The following B3GALT1 variants were observed in gnomAD, a reference collection of about 807,000 sequenced individuals.
B3GALT1 encodes UDP-Gal:betaGlcNAc beta 1,3-galactosyltransferase, polypeptide 1.
In B3GALT1, 10 loss-of-function variants were observed where a neutral mutation model predicts 23.2. That is an observed-to-expected ratio of 0.43 (90% CI 0.27 to 0.73). The LOEUF (loss-of-function observed/expected upper bound fraction) is 0.73. Among genes scored for constraint, B3GALT1 ranks in the 30% least tolerant of loss-of-function variants. The pLI, the probability that B3GALT1 is intolerant of heterozygous loss-of-function variation, is 0.21. For missense variants in B3GALT1, 299 were observed against 405.4 expected (o/e 0.74, Z 2.25); for synonymous variants, 156 against 141.5 (o/e 1.10, Z -0.73).
intron 1 of B3GALT1, among the ~76,000 whole-genome samples, chr2:167,471,273 A>G (rs761687062): frequency 1.3e-5 from 2 of 152,224 alleles, no homozygotes; most frequent in Non-Finnish European, 2.9e-5. Flanking sequence ...CATTTGTACC[A>G]CATAAAAAGA....
At position 167,690,732 on chromosome 2, in the gene B3GALT1, A is replaced by C. The variant is rs969513038; in HGVS notation, c.-352+43766A>C. ...GTTTCAAAGAATGTATTACCAATCT[A>C]TCGTCCCTAGTTTCATCACTATTCA... On this transcript the variant is annotated intron_variant, in intron 3 of 4. Coordinates refer to ENST00000392690, the MANE Select transcript of B3GALT1 (RefSeq NM_020981.4). Among the ~76,000 whole-genome samples the C allele has an allele frequency of 3.3e-5, 5 of 152,192 alleles. 1 individual carries two copies. In the South Asian group the frequency reaches 1.0e-3, roughly 31 times the overall value.
intron 1 of B3GALT1, among the ~76,000 whole-genome samples, chr2:167,425,437 C>T (rs1698609318): frequency 6.6e-6 from 1 of 152,106 alleles, no homozygotes; most frequent in South Asian, 2.1e-4. Flanking sequence ...AATCACTACA[C>T]CTATTTTTAA....
rs144860645 is a variant in B3GALT1, at chr2:167,798,004, C to G, written c.-351-20668C>G. Among the ~76,000 whole-genome samples, 1,436 of 152,060 alleles carry G rather than the reference C, an allele frequency of 9.4e-3. 26 individuals are homozygous for G. The highest frequency in any genetic ancestry group is 0.032 in the African/African-American group (1,339 of 41,528). On this transcript the variant is annotated intron_variant, in intron 3 of 4. Transcript: ENST00000392690. ...CAGGCGTGAGCCACCATGCCCGGCC[C>G]CTCATTGTGGTTTTGGTTTGCATTT... is the stretch of plus-strand genomic sequence containing the variant.
chr2:167,696,703 G>A (rs1241765674), intron 3 of B3GALT1, among the ~76,000 whole-genome samples: 1 of 152,128 alleles, frequency 6.6e-6, no homozygotes, highest in African/African-American at 2.4e-5. Flanking sequence ...CTCAAGCTGG[G>A]AATCAAAAGA....
chr2:167,630,385 T>C (rs989370297), intron 2 of B3GALT1, among the ~76,000 whole-genome samples: 4 of 151,784 alleles, frequency 2.6e-5, no homozygotes, highest in African/African-American at 9.7e-5. Context: ...GACATCCAGA[T>C]TCAAGATGTC....
chr2:167,651,609 C>T (rs530576308), intron 3 of B3GALT1, among the ~76,000 whole-genome samples: 31 of 152,196 alleles, frequency 2.0e-4, no homozygotes, highest in African/African-American at 7.5e-4. Flanking sequence ...CTACTATGTG[C>T]CATGTATCCA....
intron 4 of B3GALT1, among the ~76,000 whole-genome samples, chr2:167,857,504 T>TG (rs1690020326): frequency 1.3e-5 from 2 of 151,818 alleles, no homozygotes; most frequent in South Asian, 4.2e-4. Context: ...AAGAGGAGAA[T>TG]GCCTAGAAAT....
intron 1 of B3GALT1, among the ~76,000 whole-genome samples, chr2:167,364,771 A>G (rs115738910): frequency 1.3e-5 from 2 of 152,292 alleles, no homozygotes; most frequent in African/African-American, 2.4e-5. Flanking sequence ...TACATTTAGC[A>G]TAAGTGTTGA....
At chr2:167,397,226 T>G (rs1175386536) in intron 1 of B3GALT1, among the ~76,000 whole-genome samples, 1 of 151,878 alleles carries the variant, frequency 6.6e-6, no homozygotes, top group Non-Finnish European at 1.5e-5. Context: ...CTCTCTCTCC[T>G]TCCTTTCTTC....
At chr2:167,533,289 C>T (rs781412971) in intron 2 of B3GALT1, among the ~76,000 whole-genome samples, 7 of 151,942 alleles carry the variant, frequency 4.6e-5, no homozygotes, top group Non-Finnish European at 7.4e-5. Flanking sequence ...ATTACGTTAC[C>T]TGTAGGTTTC....
intron 2 of B3GALT1, among the ~76,000 whole-genome samples, chr2:167,642,228 A>G (rs1420245802): frequency 1.3e-5 from 2 of 152,150 alleles, no homozygotes; most frequent in African/African-American, 4.8e-5. Context: ...TAGAATGAAA[A>G]AGGGTGATAA....
chr2:167,512,362 CATT>C (rs1318063141), intron 2 of B3GALT1, among the ~76,000 whole-genome samples: 2 of 150,660 alleles, frequency 1.3e-5, no homozygotes, highest in Non-Finnish European at 3.0e-5. Flanking sequence ...TATTTTTCAT[CATT>C]ATTCTATAAA....
At chr2:167,825,488 TTATATA>T (rs199789772) in intron 4 of B3GALT1, among the ~76,000 whole-genome samples, 4 of 146,246 alleles carry the variant, frequency 2.7e-5, no homozygotes, top group African/African-American at 1.0e-4. Context: ...TATATATAAA[TTATATA>T]TATATATAAA....
chr2:167,746,518 A>G (rs1687654650), intron 3 of B3GALT1, among the ~76,000 whole-genome samples: 1 of 152,234 alleles, frequency 6.6e-6, no homozygotes, highest in African/African-American at 2.4e-5. Flanking sequence ...AAAAAGTCAT[A>G]AGTTCAACAA....
intron 3 of B3GALT1, chr2:167,714,977 G>A: frequency 4.3e-6 from 7 of 1,611,586 alleles, no homozygotes; most frequent in Non-Finnish European, 5.9e-6. Context: ...TGACTGCAAA[G>A]ATGCTTGTTG....
In B3GALT1 at chr2:167,646,909, T is replaced by C. The variant is rs1039208050; in HGVS notation, c.-409T>C. ...TATTTTTTTTCTTCTCTTGAAAAAG[T>C]TCTCTTGCTGTGCTGCTGGGTCCTC... On this transcript the variant is annotated splice_region_variant and 5_prime_UTR_variant, in exon 3 of 5. Coordinates refer to ENST00000392690, the MANE Select transcript of B3GALT1 (RefSeq NM_020981.4). 1.3e-5 allele frequency among the ~76,000 whole-genome samples: 2 copies of C among 152,166 alleles called. No homozygotes were observed. The highest frequency in any genetic ancestry group is 4.8e-5 in the African/African-American group (2 of 41,462).
At chr2:167,723,226 T>TAAGAACAG (rs1172961638) in intron 3 of B3GALT1, among the ~76,000 whole-genome samples, 1 of 152,206 alleles carries the variant, frequency 6.6e-6, no homozygotes, top group Non-Finnish European at 1.5e-5. Context: ...GAACAGACTC[T>TAAGAACAG]ACTTAAGAAA....
rs533934296 is a variant in B3GALT1 at position 167,648,061 on chromosome 2, A to G, written c.-352+1095A>G. ...TCATCCTTTTAATTAATCTGCCACT[A>G]AATTTTATGCTTATGTAATCTTTTC... is the stretch of plus-strand genomic sequence containing the variant. On this transcript the variant is annotated intron_variant, in intron 3 of 4. Coordinates refer to ENST00000392690, the MANE Select transcript of B3GALT1 (RefSeq NM_020981.4). 9.9e-5 allele frequency among the ~76,000 whole-genome samples: 15 copies of G among 152,270 alleles called. No individual in the cohort carries two copies. The South Asian group carries it at 2.7e-3, about 27-fold the overall frequency.
chr2:167,408,297 A>C (rs1698338791), intron 1 of B3GALT1, among the ~76,000 whole-genome samples: 1 of 152,222 alleles, frequency 6.6e-6, no homozygotes, highest in Non-Finnish European at 1.5e-5. Context: ...ATGCTGAAAA[A>C]GCATTTGATA....
Sources: allele counts gnomAD v4.1 joint callset (sites outside exome capture counted in the v4.1 genomes callset), GRCh38; gene constraint gnomAD v4.1.1; transcripts MANE v1.5; gene names NCBI Gene and HGNC (gene_info 2026-07-23, HGNC 2026-07-21).